The following KIAA1755 variants were observed in gnomAD, a reference collection of about 807,000 sequenced individuals.
KIAA1755 encodes the protein KIAA1755.
KIAA1755 carries 68 observed loss-of-function variants against 91.7 expected under a neutral mutation model. That is an observed-to-expected ratio of 0.74 (90% CI 0.61 to 0.91). KIAA1755 has a LOEUF of 0.91. Among genes scored for constraint, KIAA1755 ranks in the 40% least tolerant of loss-of-function variants. KIAA1755 has a pLI of 0.00. For missense variants in KIAA1755, 1,535 were observed against 1,494.4 expected, an observed-to-expected ratio of 1.03 and a Z score of -0.45; for synonymous variants, 610 against 604.6, an observed-to-expected ratio of 1.01 and a Z score of -0.13.
chr20:38,234,960 G>A (rs1224315830), intron 4 of KIAA1755, among the ~76,000 whole-genome samples: 1 of 152,220 alleles, frequency 6.6e-6, no homozygotes, highest in Non-Finnish European at 1.5e-5. Flanking sequence ...TGAGCCTCAG[G>A]TGAAAATGAG....
Position 38,258,883 on chromosome 20 carries a change from T to C in KIAA1755, c.3+1615A>G, listed in dbSNP as rs1238378894. On this transcript the variant is annotated intron_variant, in intron 1 of 13. Coordinates refer to ENST00000279024, the MANE Select transcript of KIAA1755 (RefSeq NM_001029864.2). ...CTTTGACAGGGGGCAGACCAGTGCC[T>C]GACCCTTGATCTGAGGATCTGGGGT... 2.0e-5 allele frequency among the ~76,000 whole-genome samples: 3 copies of C among 152,340 alleles called. No homozygotes were observed. The East Asian group carries it at 5.8e-4, about 29-fold the overall frequency.
chr20:38,222,670 C>T (rs1259921522), intron 9 of KIAA1755, 73 bp from the exon 10 acceptor site: 1 of 1,503,794 alleles, frequency 6.6e-7, no homozygotes, highest in African/African-American at 1.4e-5. Context: ...CTCCCCACAC[C>T]CAGATCAAGT....
At chr20:38,244,698 CTGTTTTTTGTTTTT>C (rs11468598) in intron 2 of KIAA1755, among the ~76,000 whole-genome samples, 3 of 151,918 alleles carry the variant, frequency 2.0e-5, no homozygotes, top group Non-Finnish European at 4.4e-5. Context: ...TCATCCTTTT[CTGTTTTTTGTTTTT>C]TGTTTTTTGT....
intron 4 of KIAA1755, among the ~76,000 whole-genome samples, chr20:38,232,162 C>T (rs1259991803): frequency 6.6e-6 from 1 of 152,180 alleles, no homozygotes; most frequent in Non-Finnish European, 1.5e-5. Context: ...CCTGCAATGA[C>T]CACCAGCCAC....
intron 2 of KIAA1755, among the ~76,000 whole-genome samples, chr20:38,245,527 G>A (rs545190213): frequency 1.3e-5 from 2 of 152,352 alleles, no homozygotes; most frequent in African/African-American, 4.8e-5. Flanking sequence ...GAAAGCAAGA[G>A]TCCTGATGCC....
At chr20:38,249,593 A>G (rs2123299676) in intron 1 of KIAA1755, among the ~76,000 whole-genome samples, 1 of 152,290 alleles carries the variant, frequency 6.6e-6, no homozygotes, top group Non-Finnish European at 1.5e-5. Context: ...GAATGAGTGA[A>G]TGAATGAGTG....
At chr20:38,217,856 T>G in intron 12 of KIAA1755, 1 of 357,466 alleles carries the variant, frequency 2.8e-6, no homozygotes. Flanking sequence ...CGCTCCCCAC[T>G]GGCCTGAGAA....
At chr20:38,223,221 C>A in intron 9 of KIAA1755, 1 of 211,022 alleles carries the variant, frequency 4.7e-6, no homozygotes, top group Non-Finnish European at 9.4e-6. Flanking sequence ...CTCCCTCCCT[C>A]ATTATTCCCA....
intron 1 of KIAA1755, among the ~76,000 whole-genome samples, chr20:38,255,077 C>T (rs777681153): frequency 6.6e-6 from 1 of 151,538 alleles, no homozygotes; most frequent in Admixed American, 6.6e-5. Context: ...CTCAGAAGGC[C>T]GAGGCAGGAG....
Position 38,217,456 on chromosome 20 carries a change from G to C in KIAA1755, c.2698C>G (p.Leu900Val). ...TGAGCGGCCTGCTTGGACAGCTCCAGGCCTCGGCGGTACTGGGCCTGAGAG... is the reference window on the plus strand; with the variant it reads ...TGAGCGGCCTGCTTGGACAGCTCCACGCCTCGGCGGTACTGGGCCTGAGAG... ...LQAAAQYRRG[L>V]ELSKQAAQLG... is the part of the protein sequence containing the mutation. The change falls in exon 13 of 14, where the codon CTG (leucine) becomes GTG (valine). Residue 900 changes from leucine to valine, a missense_variant. Transcript: ENST00000279024. The C allele has an allele frequency of 6.2e-7, 1 of 1,609,092 alleles. No homozygotes were observed. Among genetic ancestry groups the C allele is most frequent in the Non-Finnish European group, 8.5e-7 (1 of 1,178,014 alleles).
At chr20:38,256,947 T>G (rs1002961935) in intron 1 of KIAA1755, among the ~76,000 whole-genome samples, 34 of 152,226 alleles carry the variant, frequency 2.2e-4, no homozygotes, top group African/African-American at 8.2e-4. Context: ...GAACCTTTGG[T>G]GGATGCCACA....
At chr20:38,249,489 A>G (rs1016524534) in intron 1 of KIAA1755, among the ~76,000 whole-genome samples, 10 of 152,198 alleles carry the variant, frequency 6.6e-5, no homozygotes, top group Admixed American at 6.5e-4. Flanking sequence ...CAAGATTCCA[A>G]TGCCAGGAGG....
At position 38,213,603 on chromosome 20, in the gene KIAA1755, G is replaced by A. The variant is rs756657674; in HGVS notation, c.3042C>T (p.Leu1014=). 28 of 1,610,154 alleles carry A rather than the reference G, an allele frequency of 1.7e-5. No homozygotes were observed. The highest frequency in any genetic ancestry group is 2.0e-5 in the Non-Finnish European group (23 of 1,178,168). The change falls in exon 14 of 14, where the codon CTC becomes CTT. Residue 1014 remains leucine (L), a synonymous_variant. Coordinates refer to ENST00000279024, the MANE Select transcript of KIAA1755 (RefSeq NM_001029864.2). ...AGGCCACCTGCAGCCCCACGGCTGC[G>A]AGCTTCTCAGCAGGGAACTCAGATG... ...RLASEFPAEK[L]AAVGLQVASL... is the part of the protein sequence containing the mutation.
intron 4 of KIAA1755, chr20:38,236,825 G>A (rs931072737): frequency 2.0e-5 from 3 of 152,218 alleles, no homozygotes; most frequent in African/African-American, 7.2e-5. Flanking sequence ...GAGTTTTAAT[G>A]TAAAAGGGTG....
At chr20:38,253,102 C>T (rs76607358) in intron 1 of KIAA1755, among the ~76,000 whole-genome samples, 2 of 152,226 alleles carry the variant, frequency 1.3e-5, no homozygotes, top group East Asian at 1.9e-4. Flanking sequence ...AGGCAGGAGC[C>T]AGCGGGTGTG....
At chr20:38,249,675 C>T (rs1210529316) in intron 1 of KIAA1755, among the ~76,000 whole-genome samples, 3 of 149,520 alleles carry the variant, frequency 2.0e-5, no homozygotes, top group East Asian at 2.0e-4. Context: ...GATGATGGAC[C>T]GACAGGCATC....
chr20:38,221,226 C>T (rs75157234), intron 10 of KIAA1755, among the ~76,000 whole-genome samples: 3,881 of 152,250 alleles, frequency 0.025, 163 homozygotes, highest in African/African-American at 0.09. Context: ...CTGCAGGGAC[C>T]CGCTGCAGAA....
chr20:38,259,650 A>G (rs117669497), intron 1 of KIAA1755, among the ~76,000 whole-genome samples: 1 of 151,864 alleles, frequency 6.6e-6, no homozygotes, highest in East Asian at 1.9e-4. Context: ...TCACAGGGTT[A>G]AAGCCTTGGC....
chr20:38,212,724 C>A lies in KIAA1755; in HGVS notation c.*318G>T. The A allele has an allele frequency of 4.1e-6, 1 of 242,166 alleles. No homozygotes were observed. Among genetic ancestry groups the A allele is most frequent in the Non-Finnish European group, 8.0e-6 (1 of 124,888 alleles). The allele number at this position is 242,166 out of a possible 1,614,324, so 15.0% of individuals were successfully genotyped here. ...AGGTGGGTGTCTGCCTGCCTGCGAGCGAGACCTCTGGAGGGGTCTGTGCCG... is the reference window on the plus strand; with the variant it reads ...AGGTGGGTGTCTGCCTGCCTGCGAGAGAGACCTCTGGAGGGGTCTGTGCCG... On this transcript the variant is annotated 3_prime_UTR_variant, in exon 14 of 14. Transcript: ENST00000279024.
Sources: allele counts gnomAD v4.1 joint callset (sites outside exome capture counted in the v4.1 genomes callset), GRCh38; gene constraint gnomAD v4.1.1; transcripts MANE v1.5; gene names NCBI Gene and HGNC (gene_info 2026-07-23, HGNC 2026-07-21).